BLM: variants seen among roughly 807,000 people sequenced by gnomAD.
The protein encoded by BLM is BLM RecQ like helicase.
BLM carries 95 observed loss-of-function variants against 135.3 expected under a neutral mutation model. That is an observed-to-expected ratio of 0.70 (90% CI 0.59 to 0.83). The LOEUF (loss-of-function observed/expected upper bound fraction) is 0.83, where lower values mean the gene tolerates loss of function less well. Ranked by LOEUF, BLM falls within the 40% of genes least tolerant of loss-of-function variation. BLM has a pLI of 0.00. For synonymous variants in BLM, 520 were observed against 589.2 expected (o/e 0.88, Z 1.70); for missense variants, 1,518 against 1,663.9 (o/e 0.91, Z 1.53).
chr15:90,783,568 AAC>A (rs1896668562), intron 13 of BLM, among the ~76,000 whole-genome samples: 1 of 152,214 alleles, frequency 6.6e-6, no homozygotes, highest in African/African-American at 2.4e-5. Context: ...TTCTAAAAAT[AAC>A]ACACATAATA....
Position 90,789,042 on chromosome 15 carries a change from G to GATAT in BLM, c.2824-1589_2824-1586dup, listed in dbSNP as rs10598894. Among the ~76,000 whole-genome samples, 700 of 146,320 alleles carry GATAT rather than the reference G, an allele frequency of 4.8e-3. 9 individuals carry two copies. The highest frequency in any genetic ancestry group is 0.016 in the African/African-American group (647 of 39,966). ...TATAGTATAAATAATCTACAATGGA[G>GATAT]ATATATATATATATATATATAACTT... On this transcript the variant is annotated intron_variant, in intron 14 of 21. Coordinates refer to ENST00000355112, the MANE Select transcript of BLM (RefSeq NM_000057.4).
intron 12 of BLM, among the ~76,000 whole-genome samples, chr15:90,777,292 C>T (rs1419143993): frequency 1.3e-5 from 2 of 152,162 alleles, no homozygotes; most frequent in African/African-American, 4.8e-5. Context: ...GCTGGGATTA[C>T]AGGCGCCCGC....
At chr15:90,801,172 A>G in intron 17 of BLM, among the ~76,000 whole-genome samples, 1 of 117,704 alleles carries the variant, frequency 8.5e-6, no homozygotes, top group South Asian at 3.0e-4. Context: ...TTGTAAAAAA[A>G]AAAAAAGTTG....
chr15:90,741,138 T>G (rs1232784440), intron 1 of BLM, among the ~76,000 whole-genome samples: 3 of 152,344 alleles, frequency 2.0e-5, no homozygotes, highest in East Asian at 3.9e-4. Context: ...TTTTTAAAAA[T>G]AACAGCTTTA....
At chr15:90,785,375 G>A (rs1383050955) in intron 14 of BLM, among the ~76,000 whole-genome samples, 1 of 151,836 alleles carries the variant, frequency 6.6e-6, no homozygotes, top group Non-Finnish European at 1.5e-5. Flanking sequence ...TCTAATTCCA[G>A]AATTTTTGAT....
intron 14 of BLM, among the ~76,000 whole-genome samples, chr15:90,788,471 G>GTTTTTTTTTTTTTTTTTTTTTTTTTTT (rs35158343): frequency 5.3e-5 from 5 of 94,996 alleles, no homozygotes; most frequent in Non-Finnish European, 8.1e-5. Context: ...CCAGTGTTTT[G>GTTTTTTTTTTTTTTTTTTTTTTTTTTT]TTTTTTTTTT....
At chr15:90,770,242 C>T (rs371167907) in intron 12 of BLM, among the ~76,000 whole-genome samples, 14 of 140,428 alleles carry the variant, frequency 1.0e-4, no homozygotes, top group South Asian at 7.5e-4. Flanking sequence ...GGCCTGATCT[C>T]GGCTCACTCC....
At chr15:90,782,667 C>G (rs938857404) in intron 12 of BLM, among the ~76,000 whole-genome samples, 155 bp from the exon 13 acceptor site, 1 of 152,124 alleles carries the variant, frequency 6.6e-6, no homozygotes, top group African/African-American at 2.4e-5. Context: ...ATTCATAACT[C>G]CACCCCTCAT....
chr15:90,731,971 A>T (rs1895081473), intron 1 of BLM, among the ~76,000 whole-genome samples: 1 of 152,180 alleles, frequency 6.6e-6, no homozygotes, highest in Admixed American at 6.5e-5. Context: ...AAGTGCTGGG[A>T]TTACAGGCAT....
chr15:90,742,727 C>A (rs142491590), intron 1 of BLM, among the ~76,000 whole-genome samples: 2 of 151,912 alleles, frequency 1.3e-5, no homozygotes, highest in African/African-American at 4.8e-5. Context: ...CTCGACCTCC[C>A]GGGCTCAAAT....
intron 19 of BLM, 180 bp from the exon 20 acceptor site, chr15:90,808,957 C>T: frequency 1.3e-6 from 1 of 767,810 alleles, no homozygotes; most frequent in Non-Finnish European, 2.2e-6. Flanking sequence ...TTCCTGCCCT[C>T]TGTGCCTGTC....
intron 18 of BLM, 139 bp from the exon 19 acceptor site, chr15:90,804,028 C>A: frequency 1.3e-6 from 1 of 799,754 alleles, no homozygotes; most frequent in Non-Finnish European, 2.1e-6. Context: ...AATGCACAGC[C>A]CCTGTTCCCA....
intron 14 of BLM, among the ~76,000 whole-genome samples, chr15:90,787,101 G>T (rs988576952): frequency 1.6e-5 from 2 of 122,396 alleles, no homozygotes; most frequent in Non-Finnish European, 1.6e-5. Context: ...CCAGGCTGGA[G>T]TGCAGTGGCG....
intron 12 of BLM, among the ~76,000 whole-genome samples, chr15:90,772,708 A>C (rs1434395393): frequency 1.3e-5 from 2 of 152,240 alleles, no homozygotes; most frequent in Non-Finnish European, 2.9e-5. Context: ...GAACTGAAGA[A>C]GACAAGATAA....
chr15:90,722,082 C>T (rs888902143), intron 1 of BLM, among the ~76,000 whole-genome samples: 5 of 151,974 alleles, frequency 3.3e-5, no homozygotes, highest in Admixed American at 6.5e-5. Context: ...GGCAGGAGTT[C>T]GAGACCAGCC....
rs148680517 is a variant in BLM, at chr15:90,733,802, T to C, written c.-4-13587T>C. The stretch of plus-strand genomic sequence containing the variant: ...CCCTTAATTCTGCCTTCTTGCTCTC[T>C]TCTTGCCGGTCAACCACTTATCTGG... On this transcript the variant is annotated intron_variant, in intron 1 of 21. Coordinates refer to ENST00000355112, the MANE Select transcript of BLM (RefSeq NM_000057.4). 3.5e-3 allele frequency among the ~76,000 whole-genome samples: 533 copies of C among 152,326 alleles called. 4 individuals are homozygous for C. The highest frequency in any genetic ancestry group is 0.012 in the South Asian group (57 of 4,828).
chr15:90,758,215 C>T (rs1333766742), intron 5 of BLM, among the ~76,000 whole-genome samples: 1 of 149,420 alleles, frequency 6.7e-6, no homozygotes, highest in African/African-American at 2.4e-5. Flanking sequence ...AGGGCTGGCA[C>T]GGTGGCTCAC....
intron 13 of BLM, among the ~76,000 whole-genome samples, chr15:90,783,873 A>G (rs1335646835): frequency 6.6e-6 from 1 of 152,254 alleles, no homozygotes; most frequent in Non-Finnish European, 1.5e-5. Context: ...CCTGGGCGAC[A>G]GAGCAAGACT....
intron 7 of BLM, among the ~76,000 whole-genome samples, chr15:90,762,198 C>T (rs1007788643): frequency 2.0e-5 from 3 of 152,124 alleles, no homozygotes; most frequent in African/African-American, 7.2e-5. Flanking sequence ...ACCTCTTGTT[C>T]TCTGTGCTGA....
Sources: gnomAD v4.1 joint callset for allele counts (sites outside exome capture counted in the v4.1 genomes callset) on GRCh38, gnomAD v4.1.1 for gene constraint, MANE v1.5 for transcripts, NCBI Gene and HGNC (gene_info 2026-07-23, HGNC 2026-07-21) for gene names.